Variants in AGMO observed in about 807,000 individuals in gnomAD.
AGMO encodes the protein alkylglycerol monooxygenase.
In AGMO, 75 loss-of-function variants were observed where a neutral mutation model predicts 60.2. That is an observed-to-expected ratio of 1.25 (90% CI 1.03 to 1.51). The LOEUF (loss-of-function observed/expected upper bound fraction) is 1.51. Ranked by LOEUF, AGMO falls within the 40% of genes most tolerant of loss-of-function variation. The pLI, the probability that AGMO is intolerant of heterozygous loss-of-function variation, is 0.00. For synonymous variants in AGMO, 261 were observed against 177.1 expected (o/e 1.47, Z -3.76); for missense variants, 763 against 525.5 (o/e 1.45, Z -4.42).
At chr7:15,205,672 T>G (rs1220554554) in intron 12 of AGMO, among the ~76,000 whole-genome samples, 4 of 152,140 alleles carry the variant, frequency 2.6e-5, no homozygotes, top group Non-Finnish European at 4.4e-5. Context: ...ATGTCAGACT[T>G]AGTCATTTTA....
intron 12 of AGMO, among the ~76,000 whole-genome samples, chr7:15,276,268 T>G (rs1783783595): frequency 6.6e-6 from 1 of 152,192 alleles, no homozygotes; most frequent in Admixed American, 6.5e-5. Context: ...TGGGACAGAC[T>G]ATTTCTCTTT....
chr7:15,304,688 G>T (rs753163399), intron 12 of AGMO, among the ~76,000 whole-genome samples: 1 of 151,998 alleles, frequency 6.6e-6, no homozygotes, highest in South Asian at 2.1e-4. Context: ...ACAGTCCAAT[G>T]AACTCAAATA....
chr7:15,371,741 CCA>C (rs1783227210), intron 10 of AGMO, among the ~76,000 whole-genome samples: 1 of 151,820 alleles, frequency 6.6e-6, no homozygotes, highest in African/African-American at 2.4e-5. Context: ...TGGGTTTTCA[CCA>C]CATTGTCCAG....
chr7:15,304,472 A>T (rs1376188032), intron 12 of AGMO, among the ~76,000 whole-genome samples: 1 of 152,116 alleles, frequency 6.6e-6, no homozygotes, highest in Non-Finnish European at 1.5e-5. Flanking sequence ...TGAGTTTTCA[A>T]TTTTGCTATT....
intron 12 of AGMO, among the ~76,000 whole-genome samples, chr7:15,343,119 A>G (rs1256203174): frequency 6.6e-6 from 1 of 152,162 alleles, no homozygotes; most frequent in South Asian, 2.1e-4. Flanking sequence ...TCTAAAATTT[A>G]TATGATATTC....
intron 12 of AGMO, among the ~76,000 whole-genome samples, chr7:15,226,706 T>A (rs1782093562): frequency 6.6e-6 from 1 of 152,180 alleles, no homozygotes; most frequent in Non-Finnish European, 1.5e-5. Context: ...CCACAGCAAA[T>A]CATTTTGGCA....
chr7:15,212,946 CA>C (rs1781635602), intron 12 of AGMO, among the ~76,000 whole-genome samples: 1 of 151,910 alleles, frequency 6.6e-6, no homozygotes, highest in African/African-American at 2.4e-5. Flanking sequence ...TCAGTAGTTT[CA>C]ATTGATTATA....
At chr7:15,430,110 G>T (rs1379223465) in intron 4 of AGMO, among the ~76,000 whole-genome samples, 2 of 151,938 alleles carry the variant, frequency 1.3e-5, no homozygotes, top group East Asian at 3.9e-4. Flanking sequence ...TTGTGAAGAT[G>T]AAGTAAGTCA....
chr7:15,255,534 C>CAAAAAAAA (rs60035165), intron 12 of AGMO, among the ~76,000 whole-genome samples: 38 of 115,536 alleles, frequency 3.3e-4, no homozygotes, highest in African/African-American at 6.1e-4. Context: ...TGTAAGAATA[C>CAAAAAAAA]AAAAAAAAAA....
At chr7:15,535,420 G>C (rs1462540776) in intron 3 of AGMO, among the ~76,000 whole-genome samples, 3 of 151,762 alleles carry the variant, frequency 2.0e-5, no homozygotes, top group Admixed American at 1.3e-4. Context: ...AAATTGTTTG[G>C]TTTTGAACAA....
the AGMO span, among the ~76,000 whole-genome samples, chr7:15,144,920 T>C: frequency 3.3e-5 from 5 of 152,038 alleles, no homozygotes; most frequent in East Asian, 1.9e-4. Flanking sequence ...AGCTCCGCCT[T>C]CCGGGTTCAC....
rs150992247 is a variant in AGMO, at chr7:15,361,308, G to A, written c.1263+4206C>T. On this transcript the variant is annotated intron_variant, in intron 12 of 12. Transcript: ENST00000342526. ...AAAAAAAAGATCTTTGGGAGGCCAAGGCAGGCGGATCACCAGGTCAGGAGA... is the reference window on the plus strand; with the variant it reads ...AAAAAAAAGATCTTTGGGAGGCCAAAGCAGGCGGATCACCAGGTCAGGAGA... 2.1e-3 allele frequency among the ~76,000 whole-genome samples: 317 copies of A among 151,642 alleles called. 8 individuals carry two copies. The East Asian group carries it at 0.057, about 27-fold the overall frequency.
At position 15,273,672 on chromosome 7, in the gene AGMO, G is replaced by T. The variant is rs1321691087; in HGVS notation, c.1264-72313C>A. 2.0e-5 allele frequency among the ~76,000 whole-genome samples: 3 copies of T among 152,140 alleles called. No individual in the cohort carries two copies. The East Asian group carries it at 5.8e-4, about 29-fold the overall frequency. On this transcript the variant is annotated intron_variant, in intron 12 of 12. Transcript: ENST00000342526. ...AACTCTGTGAAGAAAGTCACTGGTA[G>T]GTTGATGGGGATGGCATTGAATCTA...
chr7:15,317,868 C>CGT (rs71004373), intron 12 of AGMO, among the ~76,000 whole-genome samples: 1 of 143,050 alleles, frequency 7.0e-6, no homozygotes, highest in Non-Finnish European at 1.5e-5. Flanking sequence ...CACACACACA[C>CGT]GTATATATAT....
chr7:15,340,480 C>CG (rs546618282), intron 12 of AGMO, among the ~76,000 whole-genome samples: 58 of 152,208 alleles, frequency 3.8e-4, no homozygotes, highest in Admixed American at 7.9e-4. Flanking sequence ...CAGGAGGCCT[C>CG]GGGGGGAACA....
intron 12 of AGMO, among the ~76,000 whole-genome samples, chr7:15,326,719 C>T (rs1436348401): frequency 6.6e-6 from 1 of 152,122 alleles, no homozygotes; most frequent in Non-Finnish European, 1.5e-5. Context: ...ATATAAGCTT[C>T]AAAAATACAA....
chr7:15,285,794 G>C (rs1032919428), intron 12 of AGMO, among the ~76,000 whole-genome samples: 1 of 151,972 alleles, frequency 6.6e-6, no homozygotes, highest in South Asian at 2.1e-4. Flanking sequence ...CAAACCTGGA[G>C]GTATCACATT....
At chr7:15,118,513 A>G in the AGMO span, among the ~76,000 whole-genome samples, 1 of 152,102 alleles carries the variant, frequency 6.6e-6, no homozygotes. Context: ...CAGTTTCCCT[A>G]TCTAACAAAA....
chr7:15,354,359 T>C (rs80304089), intron 12 of AGMO, among the ~76,000 whole-genome samples: 12,100 of 59,170 alleles, frequency 0.2, 2,501 homozygotes, highest in African/African-American at 0.33. Context: ...TATATAGACG[T>C]GTGTATATAG....
Sources: gnomAD v4.1 joint callset for allele counts (sites outside exome capture counted in the v4.1 genomes callset) on GRCh38, gnomAD v4.1.1 for gene constraint, MANE v1.5 for transcripts, NCBI Gene and HGNC (gene_info 2026-07-23, HGNC 2026-07-21) for gene names.